CPEB4: variants seen among roughly 807,000 people sequenced by gnomAD.
The protein encoded by CPEB4 is cytoplasmic polyadenylation element-binding protein 4.
In CPEB4, 12 loss-of-function variants were observed where a neutral mutation model predicts 72.5. That is an observed-to-expected ratio of 0.17 (90% CI 0.11 to 0.27). The LOEUF (loss-of-function observed/expected upper bound fraction) is 0.27, where lower values mean the gene tolerates loss of function less well. Among genes scored for constraint, CPEB4 ranks in the 10% least tolerant of loss-of-function variants. CPEB4 has a pLI of 1.00. For missense variants in CPEB4, 614 were observed against 908.5 expected (o/e 0.68, Z 4.17); for synonymous variants, 302 against 326.3 (o/e 0.93, Z 0.80).
Position 173,929,873 on chromosome 5 carries a change from T to G in CPEB4, c.1208-2577T>G, listed in dbSNP as rs562615818. On this transcript the variant is annotated intron_variant, in intron 2 of 9. Transcript: ENST00000265085. ...TTTCAACTAATGTTATCAAATATTTTTGTCTCTATATTGATTTAGTCATTC... is the reference window on the plus strand; with the variant it reads ...TTTCAACTAATGTTATCAAATATTTGTGTCTCTATATTGATTTAGTCATTC... 3.9e-5 allele frequency among the ~76,000 whole-genome samples: 6 copies of G among 152,336 alleles called. No homozygotes were observed. The East Asian group carries it at 1.2e-3, about 29-fold the overall frequency.
At chr5:173,941,093 A>G (rs575941976) in intron 3 of CPEB4, among the ~76,000 whole-genome samples, 1 of 152,310 alleles carries the variant, frequency 6.6e-6, no homozygotes, top group Non-Finnish European at 1.5e-5. Flanking sequence ...ATAAAAGCTT[A>G]TTCTTTTCAA....
chr5:173,901,765 T>C (rs951996394), intron 1 of CPEB4, among the ~76,000 whole-genome samples: 8 of 152,252 alleles, frequency 5.3e-5, no homozygotes, highest in African/African-American at 1.4e-4. Context: ...GTAAATGTTA[T>C]GTAATTCATG....
chr5:173,889,060 A>G lies in CPEB4; in HGVS notation c.-674A>G, dbSNP rs1421232521. 6.6e-6 allele frequency: 1 copy of G among 152,402 alleles called. No individual in the cohort carries two copies. Among genetic ancestry groups the G allele is most frequent in the Non-Finnish European group, 1.5e-5 (1 of 68,134 alleles). The allele number at this position is 152,402 out of a possible 1,614,324, so 9.4% of individuals were successfully genotyped here. A position where few individuals can be genotyped will look rare whatever the true frequency, so the allele number is the denominator to read the frequency against. ...CGAAAGAGCAGAAAACAGGACCAGGAACAGCAGAAACCTCCCTGCAATCAT... is the reference window on the plus strand; with the variant it reads ...CGAAAGAGCAGAAAACAGGACCAGGGACAGCAGAAACCTCCCTGCAATCAT... On this transcript the variant is annotated 5_prime_UTR_variant, in exon 1 of 10. Transcript: ENST00000265085.
intron 2 of CPEB4, among the ~76,000 whole-genome samples, chr5:173,930,658 G>C (rs527236965): frequency 5.9e-5 from 9 of 152,014 alleles, no homozygotes; most frequent in Non-Finnish European, 1.3e-4. Flanking sequence ...TACCAACTTA[G>C]TTTCTTTTAA....
In CPEB4 at chr5:173,950,070, G is replaced by T; in HGVS notation, c.1657G>T (p.Asp553Tyr). The change falls in exon 7 of 10, where the codon GAT (aspartate) becomes TAT (tyrosine). Residue 553 changes from aspartate (D) to tyrosine (Y), a missense_variant. Physicochemically the swap from Asp to Tyr is radical, Grantham distance 160 (BLOSUM62 -3). Transcript: ENST00000265085. The surrounding 1 kb of genome is among the most constrained non-coding windows in gnomAD (Gnocchi z 5.0). Reference protein sequence around the residue: ...YLCVSSPTIKDKPVQIRPWNL... With the variant: ...YLCVSSPTIKYKPVQIRPWNL... ...TTGTGTATCAAGTCCCACTATCAAG[G>T]ATAAGCCAGTAAGTGTGGTTTAGCA... 1 of 1,590,318 alleles carries T rather than the reference G, an allele frequency of 6.3e-7. No individual in the cohort carries two copies. Among genetic ancestry groups the T allele is most frequent in the Non-Finnish European group, 8.6e-7 (1 of 1,163,882 alleles).
At chr5:173,896,552 A>T (rs1189592446) in intron 1 of CPEB4, among the ~76,000 whole-genome samples, 1 of 152,222 alleles carries the variant, frequency 6.6e-6, no homozygotes, top group Non-Finnish European at 1.5e-5. Context: ...GAGAAAGGCT[A>T]TTTTGTGAGC....
chr5:173,947,136 A>G (rs1369012934), intron 5 of CPEB4, among the ~76,000 whole-genome samples: 1 of 151,830 alleles, frequency 6.6e-6, no homozygotes, highest in Non-Finnish European at 1.5e-5. Flanking sequence ...CCCTATTATC[A>G]GGTCTTATCT....
intron 2 of CPEB4, chr5:173,910,872 C>A (rs1380990079): frequency 8.8e-6 from 3 of 340,118 alleles, no homozygotes; most frequent in Non-Finnish European, 1.6e-5. Flanking sequence ...CAACTACATA[C>A]CTTATTATTA....
chr5:173,921,136 A>ACATTTAAATGC (rs1423006831), intron 2 of CPEB4, among the ~76,000 whole-genome samples: 2 of 152,214 alleles, frequency 1.3e-5, no homozygotes, highest in African/African-American at 2.4e-5. Context: ...TAATGCAATT[A>ACATTTAAATGC]AAATACATTT....
At chr5:173,933,908 G>A (rs1314952178) in intron 3 of CPEB4, among the ~76,000 whole-genome samples, 1 of 152,042 alleles carries the variant, frequency 6.6e-6, no homozygotes, top group Non-Finnish European at 1.5e-5. Context: ...CACTTAACTA[G>A]GAAAAAAAAG....
chr5:173,893,293 TA>T (rs1392912145), intron 1 of CPEB4: 2 of 152,194 alleles, frequency 1.3e-5, no homozygotes, highest in Non-Finnish European at 2.9e-5. Flanking sequence ...AGTATCATTT[TA>T]AGTTGGTATA....
chr5:173,911,804 T>G (rs1581124906), intron 2 of CPEB4, among the ~76,000 whole-genome samples: 1 of 152,084 alleles, frequency 6.6e-6, no homozygotes, highest in South Asian at 2.1e-4. Flanking sequence ...ATTCAATGTT[T>G]ATGACACTGC....
At chr5:173,898,725 A>AG (rs2113137308) in intron 1 of CPEB4, among the ~76,000 whole-genome samples, 1 of 152,334 alleles carries the variant, frequency 6.6e-6, no homozygotes, top group East Asian at 1.9e-4. Flanking sequence ...TGCCCAGACT[A>AG]GAGTGCAGTA....
At chr5:173,912,834 T>G (rs1347163721) in intron 2 of CPEB4, among the ~76,000 whole-genome samples, 6 of 143,544 alleles carry the variant, frequency 4.2e-5, no homozygotes, top group African/African-American at 1.6e-4. Context: ...CCCAGTTACA[T>G]GGGACGCTGA....
rs1216910516 is a variant in CPEB4 at position 173,888,363 on chromosome 5, T to A, written c.-1371T>A. On this transcript the variant is annotated 5_prime_UTR_variant, in exon 1 of 10. Coordinates refer to ENST00000265085, the MANE Select transcript of CPEB4 (RefSeq NM_030627.4). The surrounding 1 kb of genome is among the most constrained non-coding windows in gnomAD (Gnocchi z 4.3). Reference sequence around the variant, plus strand: ...GTTGTCATTTCACTCGGCTCGGTCCTGAGGAGAAGGACTCAGCCGCGGCTG... The same window carrying A: ...GTTGTCATTTCACTCGGCTCGGTCCAGAGGAGAAGGACTCAGCCGCGGCTG... 1 of 439,090 alleles carries A rather than the reference T, an allele frequency of 2.3e-6. No individual in the cohort carries two copies. Among genetic ancestry groups the A allele is most frequent in the Non-Finnish European group, 3.9e-6 (1 of 254,810 alleles). The allele number at this position is 439,090 out of a possible 1,614,324, so 27.2% of individuals were successfully genotyped here.
At chr5:173,946,581 C>T (rs749743022) in intron 5 of CPEB4, among the ~76,000 whole-genome samples, 13 of 152,060 alleles carry the variant, frequency 8.5e-5, no homozygotes, top group African/African-American at 1.7e-4. Context: ...CCTGAGGAAG[C>T]GCAAACTAAA....
intron 2 of CPEB4, among the ~76,000 whole-genome samples, chr5:173,929,854 C>T (rs1430884038): frequency 1.3e-5 from 2 of 152,094 alleles, no homozygotes; most frequent in African/African-American, 2.4e-5. Context: ...AATATTTCAA[C>T]TAATGTTATC....
chr5:173,936,168 G>A (rs1198157978), intron 3 of CPEB4, among the ~76,000 whole-genome samples: 2 of 152,056 alleles, frequency 1.3e-5, no homozygotes, highest in African/African-American at 4.8e-5. Context: ...AGTTTGCTAG[G>A]GCTGCTATAA....
Position 173,953,126 on chromosome 5 carries a change from G to T in CPEB4, c.1816G>T (p.Gly606Cys). Residue 606 changes from glycine to cysteine, a missense_variant, in exon 9 of 10, where the codon GGT becomes TGT. Gly to Cys is a radical substitution (Grantham distance 159, BLOSUM62 -3). Transcript: ENST00000265085. ...GATGATAATGGATCGGCTATATGGA[G>T]GTGTGTGCTACGCTGGGATTGATAC... is the stretch of plus-strand genomic sequence containing the variant. ...LAMIMDRLYG[G>C]VCYAGIDTDP... is the part of the protein sequence containing the mutation. 6.2e-7 allele frequency: 1 copy of T among 1,613,304 alleles called. No homozygotes were observed. The highest frequency in any genetic ancestry group is 1.1e-5 in the South Asian group (1 of 90,974).
Sources: allele counts gnomAD v4.1 joint callset (sites outside exome capture counted in the v4.1 genomes callset), GRCh38; gene constraint gnomAD v4.1.1; non-coding constraint Gnocchi (gnomAD v3.1); transcripts MANE v1.5; gene names NCBI Gene and HGNC (gene_info 2026-07-23, HGNC 2026-07-21).